CPA6: variants seen among roughly 807,000 people sequenced by gnomAD.
CPA6 encodes the protein carboxypeptidase A6, also known as carboxypeptidase B.
In CPA6, 58 loss-of-function variants were observed where a neutral mutation model predicts 63.3. The observed-to-expected ratio is 0.92, with a 90% CI of 0.74 to 1.14. CPA6 has a LOEUF of 1.14. Among genes scored for constraint, CPA6 ranks in the 50% most tolerant of loss-of-function variants. CPA6 has a pLI of 0.00. For missense variants in CPA6, 565 were observed against 526.6 expected (o/e 1.07, Z -0.71); for synonymous variants, 185 against 179.0 (o/e 1.03, Z -0.27).
chr8:67,524,951 C>T (rs2128967894), intron 2 of CPA6, among the ~76,000 whole-genome samples: 1 of 152,280 alleles, frequency 6.6e-6, no homozygotes, highest in South Asian at 2.1e-4. Context: ...CTAGACTATA[C>T]TGCTTCATAG....
At chr8:67,466,139 C>T (rs1156508124) in intron 8 of CPA6, among the ~76,000 whole-genome samples, 1 of 110,690 alleles carries the variant, frequency 9.0e-6, no homozygotes, top group Non-Finnish European at 1.7e-5. Context: ...GTTTGGAATT[C>T]CGTATTGGTC....
intron 2 of CPA6, among the ~76,000 whole-genome samples, chr8:67,540,052 G>A (rs762905711): frequency 6.6e-6 from 1 of 152,164 alleles, no homozygotes; most frequent in South Asian, 2.1e-4. Flanking sequence ...CTGGTGAGGA[G>A]TTGTGATTCT....
At chr8:67,727,358 T>C (rs1233444029) in intron 1 of CPA6, among the ~76,000 whole-genome samples, 1 of 152,172 alleles carries the variant, frequency 6.6e-6, no homozygotes, top group Non-Finnish European at 1.5e-5. Flanking sequence ...TGAGCACTTT[T>C]GAATTAAAGG....
chr8:67,720,167 T>G (rs1587727121), intron 1 of CPA6, among the ~76,000 whole-genome samples: 2 of 143,914 alleles, frequency 1.4e-5, no homozygotes, highest in African/African-American at 5.2e-5. Flanking sequence ...GGAGTGGGGG[T>G]CGCAAGGTGC....
chr8:67,467,882 C>T (rs558334516), intron 8 of CPA6, among the ~76,000 whole-genome samples: 31 of 131,068 alleles, frequency 2.4e-4, no homozygotes, highest in East Asian at 1.2e-3. Flanking sequence ...AGCGAAACCC[C>T]GTCTAAAAAA....
Position 67,746,170 on chromosome 8 carries a change from A to T in CPA6, c.-41T>A. 1.3e-6 allele frequency: 2 copies of T among 1,511,946 alleles called. No individual in the cohort carries two copies. The highest frequency in any genetic ancestry group is 1.8e-6 in the Non-Finnish European group (2 of 1,098,840). The allele number at this position is 1,511,946 out of a possible 1,614,324, so 93.7% of individuals were successfully genotyped here. A position where few individuals can be genotyped will look rare whatever the true frequency, so the allele number is the denominator to read the frequency against. ...GGAGTTGAAAGTTACTTAAGCAGCCACCCGAGGCTGGAGGTGGCTCACAGC... is the reference window on the plus strand; with the variant it reads ...GGAGTTGAAAGTTACTTAAGCAGCCTCCCGAGGCTGGAGGTGGCTCACAGC... On this transcript the variant is annotated 5_prime_UTR_variant, in exon 1 of 11. Transcript: ENST00000297770.
chr8:67,480,932 G>A (rs530345916), intron 8 of CPA6, among the ~76,000 whole-genome samples: 1 of 152,116 alleles, frequency 6.6e-6, no homozygotes, highest in Non-Finnish European at 1.5e-5. Flanking sequence ...GACGTTGAGC[G>A]TATTTTCATG....
At chr8:67,587,070 G>A (rs1177678342) in intron 2 of CPA6, among the ~76,000 whole-genome samples, 1 of 152,224 alleles carries the variant, frequency 6.6e-6, no homozygotes, top group Non-Finnish European at 1.5e-5. Flanking sequence ...GGAGGATAAT[G>A]GGTATTATGT....
Position 67,631,041 on chromosome 8 carries a change from T to C in CPA6, c.117-6790A>G, listed in dbSNP as rs145472380. On this transcript the variant is annotated intron_variant, in intron 1 of 10. Transcript: ENST00000297770. ...CTGCGTGGCCCAAGCCTCCCCAACA[T>C]GCGCGGCCCCCTACTCCACAGCACC... Among the ~76,000 whole-genome samples the C allele has an allele frequency of 2.0e-4, 31 of 152,292 alleles. 1 individual carries two copies. The highest frequency in any genetic ancestry group is 6.8e-3 in the Middle Eastern group (2 of 294).
At chr8:67,560,667 C>T (rs930834382) in intron 2 of CPA6, among the ~76,000 whole-genome samples, 1 of 152,100 alleles carries the variant, frequency 6.6e-6, no homozygotes, top group Admixed American at 6.6e-5. Flanking sequence ...AGATTTGCTG[C>T]CTTTTCAACT....
At chr8:67,586,466 T>C (rs1813939528) in intron 2 of CPA6, among the ~76,000 whole-genome samples, 1 of 152,166 alleles carries the variant, frequency 6.6e-6, no homozygotes. Context: ...TGAAGTATTT[T>C]AAGTATAAAC....
chr8:67,514,430 T>A (rs1394311658), intron 3 of CPA6, among the ~76,000 whole-genome samples: 1 of 152,228 alleles, frequency 6.6e-6, no homozygotes, highest in East Asian at 1.9e-4. Context: ...CATTATGTAT[T>A]CTTGTACAGA....
intron 2 of CPA6, among the ~76,000 whole-genome samples, chr8:67,530,186 C>T (rs959872721): frequency 6.8e-6 from 1 of 146,648 alleles, no homozygotes; most frequent in Non-Finnish European, 1.5e-5. Context: ...GGACATTTCC[C>T]AGAGAGTAGA....
chr8:67,736,882 CTG>C (rs2129003772), intron 1 of CPA6, among the ~76,000 whole-genome samples: 1 of 152,346 alleles, frequency 6.6e-6, no homozygotes, highest in African/African-American at 2.4e-5. Context: ...GCTATTCCCT[CTG>C]TGAAATAGTG....
At chr8:67,439,804 T>C (rs1434188090) in intron 8 of CPA6, among the ~76,000 whole-genome samples, 1 of 152,168 alleles carries the variant, frequency 6.6e-6, no homozygotes, top group Non-Finnish European at 1.5e-5. Context: ...AAAATTATTT[T>C]TAATAGAGAT....
chr8:67,656,825 G>A (rs1218308293), intron 1 of CPA6, among the ~76,000 whole-genome samples: 1 of 152,120 alleles, frequency 6.6e-6, no homozygotes, highest in African/African-American at 2.4e-5. Context: ...TTTCTTAATG[G>A]TCCAGAAGAA....
intron 6 of CPA6, among the ~76,000 whole-genome samples, chr8:67,493,882 T>C (rs570573161): frequency 6.6e-6 from 1 of 152,306 alleles, no homozygotes; most frequent in African/African-American, 2.4e-5. Context: ...GAACTTTCCA[T>C]TTCAGGCCAT....
intron 3 of CPA6, among the ~76,000 whole-genome samples, chr8:67,515,693 G>A (rs931864868): frequency 1.3e-5 from 2 of 152,044 alleles, no homozygotes; most frequent in African/African-American, 4.8e-5. Context: ...CTTGCCATCA[G>A]CCAAGGAGAT....
At chr8:67,457,657 T>C (rs1486011329) in intron 8 of CPA6, among the ~76,000 whole-genome samples, 2 of 151,944 alleles carry the variant, frequency 1.3e-5, no homozygotes, top group African/African-American at 2.4e-5. Context: ...TCAGAGCACT[T>C]TTCTATAACC....
Sources: gnomAD v4.1 joint callset for allele counts (sites outside exome capture counted in the v4.1 genomes callset) on GRCh38, gnomAD v4.1.1 for gene constraint, MANE v1.5 for transcripts, NCBI Gene and HGNC (gene_info 2026-07-23, HGNC 2026-07-21) for gene names.